MYO18A: variants seen among roughly 807,000 people sequenced by gnomAD.
MYO18A encodes the protein myosin XVIIIA, also known as unconventional myosin-XVIIIa.
In MYO18A, 78 loss-of-function variants were observed where a neutral mutation model predicts 235.8. That is an observed-to-expected ratio of 0.33 (90% CI 0.28 to 0.40). The LOEUF is 0.40. MYO18A is among the 10% of genes least tolerant of loss of function. MYO18A has a pLI of 1.00. For synonymous variants in MYO18A, 977 were observed against 1,077.8 expected (o/e 0.91, Z 1.83); for missense variants, 2,215 against 2,699.3 (o/e 0.82, Z 3.98).
intron 20 of MYO18A, 111 bp from the exon 21 acceptor site, chr17:29,103,775 C>T (rs1446036201): frequency 2.0e-6 from 2 of 1,017,824 alleles, no homozygotes; most frequent in African/African-American, 1.6e-5. Context: ...GTCTGTTATT[C>T]ATGCACTTGC....
chr17:29,108,896 T>C (rs1164659797), intron 19 of MYO18A, among the ~76,000 whole-genome samples: 2 of 152,114 alleles, frequency 1.3e-5, no homozygotes, highest in East Asian at 3.8e-4. Context: ...GTAACGCACA[T>C]TGATTTTGGT....
chr17:29,149,127 TC>T (rs1461292143), intron 2 of MYO18A, among the ~76,000 whole-genome samples: 1 of 152,070 alleles, frequency 6.6e-6, no homozygotes, highest in Non-Finnish European at 1.5e-5. Context: ...CCAGGAGGCG[TC>T]CCCCAGGAGC....
At chr17:29,087,449 C>T (rs1242369976) in intron 37 of MYO18A, among the ~76,000 whole-genome samples, 1 of 152,040 alleles carries the variant, frequency 6.6e-6, no homozygotes, top group Non-Finnish European at 1.5e-5. Context: ...TCGGTATTGA[C>T]ACTGCATGTA....
In MYO18A at chr17:29,118,376, C is replaced by T. The variant is rs2067123099; in HGVS notation, c.1893+1G>A. The T allele has an allele frequency of 1.2e-6, 2 of 1,603,892 alleles. No individual in the cohort carries two copies. The highest frequency in any genetic ancestry group is 1.7e-6 in the Non-Finnish European group (2 of 1,172,310). On this transcript the variant is annotated splice_donor_variant, in intron 9 of 41. Coordinates refer to ENST00000527372, the MANE Select transcript of MYO18A (RefSeq NM_078471.4). LOFTEE classifies it high-confidence loss of function. This position sits in a 1 kb window ranked among gnomAD's most constrained non-coding sequence, Gnocchi z 4.2. ...CAACCCAGACCCCACAGACCCCTCA[C>T]CTTGGCCAGTGGCACAATCCCAAAC...
chr17:29,080,008 G>A (rs1327300749), intron 41 of MYO18A: 2 of 985,988 alleles, frequency 2.0e-6, no homozygotes, highest in Non-Finnish European at 2.4e-6. Flanking sequence ...GTGCTCTGAG[G>A]AAGCTTCGGA....
Position 29,119,323 on chromosome 17 carries a change from G to A in MYO18A, c.1829+12C>T. On this transcript the variant is annotated intron_variant, in intron 8 of 41. Transcript: ENST00000527372. ...TTCAGAGAACCCTTGTGTACCCTCT[G>A]ACCCATCTCACCTGAGGGTGCCATC... 6.2e-7 allele frequency: 1 copy of A among 1,603,074 alleles called. No homozygotes were observed. The highest frequency in any genetic ancestry group is 8.5e-7 in the Non-Finnish European group (1 of 1,173,218).
intron 20 of MYO18A, among the ~76,000 whole-genome samples, chr17:29,104,392 T>C (rs1462496572): frequency 2.0e-5 from 3 of 152,206 alleles, no homozygotes; most frequent in African/African-American, 7.2e-5. Context: ...AATCTAGGGC[T>C]ATACTGAGAT....
rs756655816 is a variant in MYO18A, at chr17:29,082,452, G to A, written c.5898-14C>T. The A allele has an allele frequency of 1.9e-6, 3 of 1,611,162 alleles. No individual in the cohort carries two copies. In the South Asian group the frequency reaches 3.3e-5, roughly 18 times the overall value. ...GAGTCTCCCTCACTGTAGGGATGAGGAGCAGAAAGGTAGACAAGGCATAGG... is the reference window on the plus strand; with the variant it reads ...GAGTCTCCCTCACTGTAGGGATGAGAAGCAGAAAGGTAGACAAGGCATAGG... On this transcript the variant is annotated splice_polypyrimidine_tract_variant and intron_variant, in intron 40 of 41. Transcript: ENST00000527372.
In MYO18A at chr17:29,097,158, G is replaced by A. The variant is rs79752945; in HGVS notation, c.4230+65C>T. ...GCCTGCCCCCAGAGTTCACTGGACC[G>A]ACACAAGGCACCAGTCCTCTCCTGG... is the stretch of plus-strand genomic sequence containing the variant. On this transcript the variant is annotated intron_variant, in intron 27 of 41. Coordinates refer to ENST00000527372, the MANE Select transcript of MYO18A (RefSeq NM_078471.4). 1.2e-4 allele frequency: 190 copies of A among 1,586,068 alleles called. 1 individual carries two copies. The East Asian group carries it at 3.4e-3, about 28-fold the overall frequency.
At position 29,097,873 on chromosome 17, in the gene MYO18A, C is replaced by T. The variant is rs34191688; in HGVS notation, c.4017G>A (p.Gln1339=). 6,702 of 1,613,828 alleles carry T rather than the reference C, an allele frequency of 4.2e-3. 244 individuals carry two copies. In the African/African-American group the frequency reaches 0.079, roughly 19 times the overall value. Residue 1339 remains glutamine, a synonymous_variant, in exon 26 of 42, where the codon CAG becomes CAA. Coordinates refer to ENST00000527372, the MANE Select transcript of MYO18A (RefSeq NM_078471.4). ...LQTQYDALKK[Q]MEVMEMEVME... is the part of the protein sequence containing the mutation. Reference sequence around the variant, plus strand: ...TCACCTCCATTTCCATAACCTCCATCTGCTTCTTCAGTGCATCGTACTGGG... The same window carrying T: ...TCACCTCCATTTCCATAACCTCCATTTGCTTCTTCAGTGCATCGTACTGGG...
rs768164004 is a variant in MYO18A at position 29,096,852 on chromosome 17, ACTT to A, written c.4291_4293del (p.Lys1431del). On this transcript the variant is annotated inframe_deletion, in exon 28 of 42. Coordinates refer to ENST00000527372, the MANE Select transcript of MYO18A (RefSeq NM_078471.4). ...TGCAGCTCAGCCGTCAGTCGCTGGC[ACTT>A]CTTCTTGAGCTGCTGCAGAGCCCGC... 9 of 1,589,550 alleles carry A rather than the reference ACTT, an allele frequency of 5.7e-6. No homozygotes were observed. The highest frequency in any genetic ancestry group is 5.4e-5 in the African/African-American group (4 of 74,374).
At position 29,073,581 on chromosome 17, in the gene MYO18A, G is replaced by A. The variant is rs1276289014; in HGVS notation, c.*1189C>T. On this transcript the variant is annotated 3_prime_UTR_variant, in exon 42 of 42. Transcript: ENST00000527372. ...TAAACAGGGGAGAGCACAGCCCAGT[G>A]AGTACAAACCAATTGCAGGAGAGAA... 5.1e-6 allele frequency: 2 copies of A among 390,560 alleles called. No homozygotes were observed. Among genetic ancestry groups the A allele is most frequent in the Non-Finnish European group, 9.2e-6 (2 of 217,302 alleles). 24.2% of individuals were successfully genotyped at this position (390,560 alleles called of 1,614,324 possible). A position where few individuals can be genotyped will look rare whatever the true frequency, so the allele number is the denominator to read the frequency against.
At chr17:29,080,015 C>G (rs1032799514) in intron 41 of MYO18A, 2 of 985,936 alleles carry the variant, frequency 2.0e-6, no homozygotes, top group East Asian at 1.1e-4. Flanking sequence ...GAGGAAGCTT[C>G]GGAGCCGGAG....
chr17:29,087,925 C>A (rs1221307621), intron 37 of MYO18A, among the ~76,000 whole-genome samples: 1 of 152,094 alleles, frequency 6.6e-6, no homozygotes, highest in Admixed American at 6.5e-5. Context: ...GTCCACCAGA[C>A]CAATGGCCTC....
intron 1 of MYO18A, among the ~76,000 whole-genome samples, chr17:29,178,556 G>A (rs1005048883): frequency 3.3e-5 from 5 of 151,962 alleles, no homozygotes; most frequent in Admixed American, 6.6e-5. Context: ...TATATAACCC[G>A]TCATGTCAAA....
rs2066374204 is a variant in MYO18A at position 29,090,614 on chromosome 17, G to C, written c.5306C>G (p.Ala1769Gly). The change falls in exon 36 of 42, where the codon GCT (alanine) becomes GGT (glycine). Residue 1769 changes from alanine (A) to glycine (G), a missense_variant and splice_region_variant. Transcript: ENST00000527372. ...MKKHKAAVAQ[A>G]SRDLAQINDL... ...ATTTATCTGAGCCAGGTCCCGGGAA[G>C]CCTGGGAAAGGAATGAGAGCATCAG... is the stretch of plus-strand genomic sequence containing the variant. 1 of 1,597,186 alleles carries C rather than the reference G, an allele frequency of 6.3e-7. No homozygotes were observed. The highest frequency in any genetic ancestry group is 1.3e-5 in the African/African-American group (1 of 74,658).
chr17:29,129,088 T>G, intron 2 of MYO18A: 1 of 1,289,390 alleles, frequency 7.8e-7, no homozygotes, highest in Non-Finnish European at 1.0e-6. Context: ...TCACCTGTTT[T>G]CCGGGCAGTC....
rs754593929 is a variant in MYO18A at position 29,118,431 on chromosome 17, G to C, written c.1839C>G (p.Leu613=). Residue 613 remains leucine (L), a synonymous_variant, in exon 9 of 42, where the codon CTC becomes CTG. Transcript: ENST00000527372. This position sits in a 1 kb window ranked among gnomAD's most constrained non-coding sequence, Gnocchi z 4.2. ...TGTTCTCTGCCAAGTGGTTGAGGTG[G>C]AGCTCTGTCCTAGGGGTACAAATAA... The part of the protein sequence containing the change: ...ACGDGTLRTE[L]HLNHLAENNV... 2.5e-6 allele frequency: 4 copies of C among 1,605,778 alleles called. No homozygotes were observed. Among genetic ancestry groups the C allele is most frequent in the Non-Finnish European group, 3.4e-6 (4 of 1,174,062 alleles).
intron 2 of MYO18A, among the ~76,000 whole-genome samples, chr17:29,162,188 C>G (rs2068188229): frequency 6.6e-6 from 1 of 152,210 alleles, no homozygotes; most frequent in Admixed American, 6.5e-5. Context: ...CTCCCCACAG[C>G]CAACTTTGCT....
Sources: gnomAD v4.1 joint callset for allele counts (sites outside exome capture counted in the v4.1 genomes callset) on GRCh38, gnomAD v4.1.1 for gene constraint, Gnocchi (gnomAD v3.1) non-coding constraint, MANE v1.5 for transcripts, NCBI Gene and HGNC (gene_info 2026-07-23, HGNC 2026-07-21) for gene names.